Variants in CHM observed in about 807,000 individuals in gnomAD.
CHM encodes the protein rab proteins geranylgeranyltransferase component A 1.
In CHM, 10 loss-of-function variants were observed where a neutral mutation model predicts 49.0. The ratio of observed to expected loss-of-function variants is 0.20; its 90% CI spans 0.13 to 0.35. The LOEUF (loss-of-function observed/expected upper bound fraction) is 0.35, where lower values mean the gene tolerates loss of function less well. CHM is among the 10% of genes least tolerant of loss of function. CHM has a pLI of 1.00. For synonymous variants in CHM, 184 were observed against 167.5 expected, an observed-to-expected ratio of 1.10 and a Z score of -0.76; for missense variants, 455 against 478.4, an observed-to-expected ratio of 0.95 and a Z score of 0.46.
intron 14 of CHM, among the ~76,000 whole-genome samples, chrX:85,868,869 T>A (rs891720290): frequency 2.7e-5 from 3 of 112,213 alleles, no homozygotes; most frequent in African/African-American, 9.7e-5. Context: ...CCTTCAGGCC[T>A]ACCTTCTCTG....
intron 2 of CHM, among the ~76,000 whole-genome samples, chrX:86,009,457 G>A (rs1251472047): frequency 2.7e-5 from 3 of 112,158 alleles, no homozygotes; most frequent in African/African-American, 9.7e-5. Flanking sequence ...CTTCAAAGCA[G>A]CTCTCATGGC....
intron 11 of CHM, among the ~76,000 whole-genome samples, chrX:85,897,260 T>C (rs1925940452): frequency 9.9e-6 from 1 of 101,195 alleles, no homozygotes; most frequent in African/African-American, 3.6e-5. Flanking sequence ...GAAAGTAGTA[T>C]ATATATATAT....
chrX:86,020,482 G>A (rs955191896), intron 2 of CHM, among the ~76,000 whole-genome samples: 28 of 107,186 alleles, frequency 2.6e-4, no homozygotes, highest in African/African-American at 9.5e-4. Flanking sequence ...CAGCTAGTAA[G>A]TATACTGCAA....
chrX:85,867,835 T>C (rs1923794470), intron 14 of CHM, among the ~76,000 whole-genome samples: 1 of 111,957 alleles, frequency 8.9e-6, no homozygotes, highest in Non-Finnish European at 1.9e-5. Flanking sequence ...TATGACAGGG[T>C]AACAGAATAA....
chrX:85,907,939 G>C lies in CHM; in HGVS notation c.1244+3322C>G, dbSNP rs1306695937. ...AGAACTTATAAAATGATCATACGAG[G>C]GGATGTGACAGTGGGGAGTGGAGAC... On this transcript the variant is annotated intron_variant, in intron 9 of 14. Coordinates refer to ENST00000357749, the MANE Select transcript of CHM (RefSeq NM_000390.4). Among the ~76,000 whole-genome samples the C allele has an allele frequency of 2.7e-5, 3 of 111,524 alleles. No individual in the cohort carries two copies. In the East Asian group the frequency reaches 8.5e-4, roughly 31 times the overall value.
rs760909588 is a variant in CHM at position 85,982,255 on chromosome X, C to G, written c.117-446G>C. Among the ~76,000 whole-genome samples the G allele has an allele frequency of 1.2e-4, 13 of 110,660 alleles. 1 individual carries two copies. Among genetic ancestry groups the G allele is most frequent in the Admixed American group, 2.9e-4 (3 of 10,417 alleles). ...CCTCCACCACCACCTCCGCCACCTC[C>G]ACCACCACCACCACCAAACCCATCT... On this transcript the variant is annotated intron_variant, in intron 2 of 14. Transcript: ENST00000357749.
intron 2 of CHM, among the ~76,000 whole-genome samples, chrX:86,002,802 G>A (rs1379439731): frequency 1.8e-5 from 2 of 112,670 alleles, no homozygotes; most frequent in African/African-American, 3.2e-5. Context: ...AACTCTGTGG[G>A]AAGGGCTTAG....
At chrX:86,002,157 CAA>C (rs1044835553) in intron 2 of CHM, among the ~76,000 whole-genome samples, 1 of 111,903 alleles carries the variant, frequency 8.9e-6, no homozygotes, top group African/African-American at 3.2e-5. Flanking sequence ...CTTAAAAGAA[CAA>C]AAGTCTATCC....
intron 8 of CHM, among the ~76,000 whole-genome samples, chrX:85,911,606 A>T (rs1927032453): frequency 9.1e-6 from 1 of 109,634 alleles, no homozygotes; most frequent in Admixed American, 9.9e-5. Context: ...AGAGCCAATT[A>T]TCCCCCGAAA....
chrX:85,909,435 T>C (rs1281337185), intron 9 of CHM, among the ~76,000 whole-genome samples: 1 of 111,147 alleles, frequency 9.0e-6, no homozygotes, highest in African/African-American at 3.3e-5. Flanking sequence ...AACTGCAAAT[T>C]ACTGCATTCC....
chrX:86,002,600 T>C (rs1569245494), intron 2 of CHM, among the ~76,000 whole-genome samples: 1 of 111,819 alleles, frequency 8.9e-6, no homozygotes, highest in South Asian at 3.7e-4. Context: ...GGGCGGGGTG[T>C]CGCATCACCT....
At chrX:85,983,317 C>T (rs1002490785) in intron 2 of CHM, among the ~76,000 whole-genome samples, 2 of 110,348 alleles carry the variant, frequency 1.8e-5, no homozygotes, top group African/African-American at 6.6e-5. Context: ...TCTAGATGGT[C>T]ACCCTTTACC....
At chrX:86,015,156 A>C (rs5968773) in intron 2 of CHM, among the ~76,000 whole-genome samples, 8 of 109,951 alleles carry the variant, frequency 7.3e-5, no homozygotes, top group Non-Finnish European at 1.3e-4. Context: ...TTGAATTCCC[A>C]TGTGTTGTGG....
chrX:85,897,007 CATATA>C (rs1475545388), intron 11 of CHM, among the ~76,000 whole-genome samples: 1,008 of 91,971 alleles, frequency 0.011, 7 homozygotes, highest in African/African-American at 0.027. Context: ...TTATATAATA[CATATA>C]ATATATAATA....
At chrX:85,991,400 A>G (rs1932180974) in intron 2 of CHM, among the ~76,000 whole-genome samples, 1 of 111,155 alleles carries the variant, frequency 9.0e-6, no homozygotes, top group Admixed American at 9.6e-5. Context: ...AAATTCCCAA[A>G]CTTTTAAGCT....
intron 8 of CHM, among the ~76,000 whole-genome samples, chrX:85,949,342 G>C (rs943271154): frequency 4.7e-4 from 53 of 111,846 alleles, no homozygotes; most frequent in African/African-American, 1.5e-3. Context: ...GTGGAAAAAA[G>C]AGAAATAGGG....
At chrX:85,896,766 A>G (rs1180526694) in intron 11 of CHM, among the ~76,000 whole-genome samples, 1 of 105,579 alleles carries the variant, frequency 9.5e-6, no homozygotes, top group East Asian at 2.9e-4. Context: ...AGCCAGAGTC[A>G]TGAGGGGAAC....
At chrX:85,907,181 A>C (rs1926647601) in intron 9 of CHM, among the ~76,000 whole-genome samples, 1 of 112,282 alleles carries the variant, frequency 8.9e-6, no homozygotes, top group Non-Finnish European at 1.9e-5. Context: ...TGACATCAGA[A>C]AATATATATT....
chrX:86,005,917 G>T (rs1932842368), intron 2 of CHM, among the ~76,000 whole-genome samples: 1 of 111,648 alleles, frequency 9.0e-6, no homozygotes, highest in African/African-American at 3.3e-5. Flanking sequence ...ATTTTGTGAG[G>T]CCAACATCAT....
Sources: gnomAD v4.1 joint callset for allele counts (sites outside exome capture counted in the v4.1 genomes callset) on GRCh38, gnomAD v4.1.1 for gene constraint, MANE v1.5 for transcripts, NCBI Gene and HGNC (gene_info 2026-07-23, HGNC 2026-07-21) for gene names.